Variants in RRP1B observed in about 807,000 individuals in gnomAD.
RRP1B encodes ribosomal RNA processing 1B.
In RRP1B, 56 loss-of-function variants were observed where a neutral mutation model predicts 80.2. That is an observed-to-expected ratio of 0.70 (90% CI 0.56 to 0.87). The LOEUF (loss-of-function observed/expected upper bound fraction) is 0.87. Among genes scored for constraint, RRP1B ranks in the 40% least tolerant of loss-of-function variants. The pLI, the probability that RRP1B is intolerant of heterozygous loss-of-function variation, is 0.00. For missense variants in RRP1B, 807 were observed against 939.8 expected, an observed-to-expected ratio of 0.86 and a Z score of 1.85; for synonymous variants, 351 against 357.6, an observed-to-expected ratio of 0.98 and a Z score of 0.21.
intron 13 of RRP1B, among the ~76,000 whole-genome samples, chr21:43,689,774 G>A (rs186891438): frequency 9.8e-5 from 15 of 152,354 alleles, no homozygotes; most frequent in South Asian, 8.3e-4. Flanking sequence ...GGAGCCACCC[G>A]TGTGTCGGCA....
At chr21:43,677,598 C>CAT in intron 8 of RRP1B, among the ~76,000 whole-genome samples, 1 of 152,176 alleles carries the variant, frequency 6.6e-6, no homozygotes, top group African/African-American at 2.4e-5. Context: ...ATGTGACAGA[C>CAT]ATATATATAT....
At chr21:43,676,679 A>G in intron 7 of RRP1B, 54 bp from the exon 8 acceptor site, 1 of 1,526,036 alleles carries the variant, frequency 6.6e-7, no homozygotes, top group South Asian at 1.2e-5. Context: ...CTGAAGCCAG[A>G]AGGCCAGGCC....
chr21:43,690,572 TCCACGGC>T, intron 14 of RRP1B, 132 bp downstream of exon 14: 1 of 987,342 alleles, frequency 1.0e-6, no homozygotes, highest in Admixed American at 2.6e-5. Flanking sequence ...GTGGACAGGT[TCCACGGC>T]CAGGGTAGCA....
rs1003831594 is a variant in RRP1B at position 43,694,180 on chromosome 21, C to G, written c.*797C>G. ...TGGAGCACACTCATTCCTCCAAGCC[C>G]TTGCGCTCCCGTTTCTCTCTCTCTC... On this transcript the variant is annotated 3_prime_UTR_variant, in exon 16 of 16. Transcript: ENST00000340648. 6.6e-6 allele frequency: 1 copy of G among 151,916 alleles called. No individual in the cohort carries two copies. The highest frequency in any genetic ancestry group is 1.5e-5 in the Non-Finnish European group (1 of 68,142). 9.4% of individuals were successfully genotyped at this position (151,916 alleles called of 1,614,324 possible).
At position 43,669,846 on chromosome 21, in the gene RRP1B, C is replaced by T. The variant is rs1321885545; in HGVS notation, c.131-38C>T. 2.1e-6 allele frequency: 3 copies of T among 1,420,986 alleles called. No individual in the cohort carries two copies. The East Asian group carries it at 6.9e-5, about 33-fold the overall frequency. 88.0% of individuals were successfully genotyped at this position (1,420,986 alleles called of 1,614,324 possible). ...TTTCTAAACTTGAAGAAAAGAGATG[C>T]ATAGACTCTAAGATGTTTGTATTGT... is the stretch of plus-strand genomic sequence containing the variant. On this transcript the variant is annotated intron_variant, in intron 1 of 15. Coordinates refer to ENST00000340648, the MANE Select transcript of RRP1B (RefSeq NM_015056.3).
intron 8 of RRP1B, among the ~76,000 whole-genome samples, chr21:43,679,568 C>T (rs1244729747): frequency 1.3e-5 from 2 of 152,216 alleles, no homozygotes; most frequent in Non-Finnish European, 2.9e-5. Context: ...CCACTACTCC[C>T]AGCCTCTAGA....
At chr21:43,671,215 G>C (rs2082998118) in intron 2 of RRP1B, among the ~76,000 whole-genome samples, 1 of 152,170 alleles carries the variant, frequency 6.6e-6, no homozygotes, top group Non-Finnish European at 1.5e-5. Context: ...CCAGAAGGCT[G>C]AGTTTACCTT....
At chr21:43,679,097 A>G (rs2083033221) in intron 8 of RRP1B, among the ~76,000 whole-genome samples, 1 of 152,122 alleles carries the variant, frequency 6.6e-6, no homozygotes, top group East Asian at 1.9e-4. Flanking sequence ...CTCCTGTTCC[A>G]TTGGTCTACA....
chr21:43,684,719 C>A, intron 10 of RRP1B, 69 bp downstream of exon 10: 1 of 1,226,730 alleles, frequency 8.2e-7, no homozygotes, highest in Non-Finnish European at 1.2e-6. Context: ...GTGGGACAAG[C>A]CATCTGCATG....
In RRP1B at chr21:43,674,951, A is replaced by G. The variant is rs892224377; in HGVS notation, c.420-83A>G. On this transcript the variant is annotated intron_variant, in intron 5 of 15. Coordinates refer to ENST00000340648, the MANE Select transcript of RRP1B (RefSeq NM_015056.3). ...TTGATTGTTAGGCTGTGTAGGTTCT[A>G]GACGGAGTATTTTTGTTTCTCTTTG... is the stretch of plus-strand genomic sequence containing the variant. 1.4e-5 allele frequency: 21 copies of G among 1,551,980 alleles called. No homozygotes were observed. The African/African-American group carries it at 2.5e-4, about 18-fold the overall frequency.
In RRP1B at chr21:43,688,118, C is replaced by T. The variant is rs573332010; in HGVS notation, c.1744C>T (p.Leu582Phe). The T allele has an allele frequency of 1.3e-6, 2 of 1,597,460 alleles. No individual in the cohort carries two copies. The highest frequency in any genetic ancestry group is 1.7e-6 in the Non-Finnish European group (2 of 1,172,390). The change falls in exon 13 of 16, where the codon CTC becomes TTC. Residue 582 changes from leucine to phenylalanine, a missense_variant. Coordinates refer to ENST00000340648, the MANE Select transcript of RRP1B (RefSeq NM_015056.3). ...KKKAGPGSLELCGLPSQKTAS... is the reference protein window; with the variant it reads ...KKKAGPGSLEFCGLPSQKTAS... ...GAAGGCAGGGCCCGGCAGCCTGGAG[C>T]TCTGTGGCCTGCCCAGCCAGAAAAC...
chr21:43,674,303 C>T (rs1045244101), intron 4 of RRP1B, among the ~76,000 whole-genome samples: 1 of 152,096 alleles, frequency 6.6e-6, no homozygotes, highest in Non-Finnish European at 1.5e-5. Flanking sequence ...ATTACAGACG[C>T]GCACCACCAT....
In RRP1B at chr21:43,691,530, TTCTCTGGA is replaced by T; in HGVS notation, c.2083+29_2083+36del. 1 of 1,610,160 alleles carries T rather than the reference TTCTCTGGA, an allele frequency of 6.2e-7. No homozygotes were observed. Among genetic ancestry groups the T allele is most frequent in the Non-Finnish European group, 8.5e-7 (1 of 1,176,624 alleles). On this transcript the variant is annotated intron_variant, in intron 15 of 15. Transcript: ENST00000340648. The surrounding 1 kb of genome is among the most constrained non-coding windows in gnomAD (Gnocchi z 4.2). Reference sequence around the variant, plus strand: ...AAGTGGGGTTTTGCCAGCGGCAAGCTTCTCTGGAGCACAGCTGCAGCTCCTGGCGCGGC... The same window carrying T: ...AAGTGGGGTTTTGCCAGCGGCAAGCTGCACAGCTGCAGCTCCTGGCGCGGC...
At chr21:43,679,464 G>T (rs917523071) in intron 8 of RRP1B, among the ~76,000 whole-genome samples, 1 of 151,998 alleles carries the variant, frequency 6.6e-6, no homozygotes, top group Non-Finnish European at 1.5e-5. Flanking sequence ...GTAGAGATGG[G>T]GTTTCACCAT....
rs1390464330 is a variant in RRP1B, at chr21:43,685,762, AT to A, written c.990-3del. ...TTTATTTTTTATTTTTTATTTTTTT[AT>A]TTTTAGATTCCAAGACCTTTCTGAA... is the stretch of plus-strand genomic sequence containing the variant. On this transcript the variant is annotated splice_region_variant and splice_polypyrimidine_tract_variant and intron_variant, in intron 10 of 15. Coordinates refer to ENST00000340648, the MANE Select transcript of RRP1B (RefSeq NM_015056.3). 1.3e-6 allele frequency: 2 copies of A among 1,517,398 alleles called. No homozygotes were observed. The highest frequency in any genetic ancestry group is 1.4e-5 in the African/African-American group (1 of 70,558). 94.0% of individuals were successfully genotyped at this position (1,517,398 alleles called of 1,614,324 possible).
intron 8 of RRP1B, among the ~76,000 whole-genome samples, chr21:43,677,906 C>G (rs1388241797): frequency 2.0e-5 from 3 of 152,150 alleles, no homozygotes; most frequent in Non-Finnish European, 2.9e-5. Context: ...ACTCATTGGT[C>G]AATGGGCATT....
At position 43,669,940 on chromosome 21, in the gene RRP1B, T is replaced by C; in HGVS notation, c.187T>C (p.Trp63Arg). Reference sequence around the variant, plus strand: ...CTGGAAGGGGCTCTTCTACTGCATGTGGGTGCAGGATGAACCCCTTCTACA... The same window carrying C: ...CTGGAAGGGGCTCTTCTACTGCATGCGGGTGCAGGATGAACCCCTTCTACA... Reference protein sequence around the residue: ...KIWKGLFYCMWVQDEPLLQEE... With the variant: ...KIWKGLFYCMRVQDEPLLQEE... The change falls in exon 2 of 16, where the codon TGG (tryptophan) becomes CGG (arginine). Residue 63 changes from tryptophan to arginine, a missense_variant. Coordinates refer to ENST00000340648, the MANE Select transcript of RRP1B (RefSeq NM_015056.3). 6.2e-7 allele frequency: 1 copy of C among 1,613,148 alleles called. No homozygotes were observed. The highest frequency in any genetic ancestry group is 8.5e-7 in the Non-Finnish European group (1 of 1,179,260).
intron 8 of RRP1B, among the ~76,000 whole-genome samples, chr21:43,677,842 T>A (rs1465118703): frequency 6.6e-6 from 1 of 152,270 alleles, no homozygotes; most frequent in Admixed American, 6.5e-5. Flanking sequence ...ATTATTTCAT[T>A]CCTTTTTATG....
chr21:43,693,156 A>G lies in RRP1B; in HGVS notation c.2084-34A>G. 6.2e-7 allele frequency: 1 copy of G among 1,611,508 alleles called. No individual in the cohort carries two copies. The highest frequency in any genetic ancestry group is 8.5e-7 in the Non-Finnish European group (1 of 1,178,778). ...TGTTGAAGGGACAGCTGTCGGACCCACTTAATATGGGGCCTTGCTCTCATT... is the reference window on the plus strand; with the variant it reads ...TGTTGAAGGGACAGCTGTCGGACCCGCTTAATATGGGGCCTTGCTCTCATT... On this transcript the variant is annotated intron_variant, in intron 15 of 15. Coordinates refer to ENST00000340648, the MANE Select transcript of RRP1B (RefSeq NM_015056.3). This position sits in a 1 kb window ranked among gnomAD's most constrained non-coding sequence, Gnocchi z 4.1.
Sources: allele counts gnomAD v4.1 joint callset (sites outside exome capture counted in the v4.1 genomes callset), GRCh38; gene constraint gnomAD v4.1.1; non-coding constraint Gnocchi (gnomAD v3.1); transcripts MANE v1.5; gene names NCBI Gene and HGNC (gene_info 2026-07-23, HGNC 2026-07-21).